BRINP1: variants seen among roughly 807,000 people sequenced by gnomAD.
The protein encoded by BRINP1 is BMP/retinoic acid-inducible neural-specific protein 1.
BRINP1 carries 17 observed loss-of-function variants against 72.9 expected under a neutral mutation model. The ratio of observed to expected loss-of-function variants is 0.23; its 90% CI spans 0.16 to 0.35. The LOEUF (loss-of-function observed/expected upper bound fraction) is 0.35. Ranked by LOEUF, BRINP1 falls within the 10% of genes least tolerant of loss-of-function variation. BRINP1 has a pLI of 1.00. For missense variants in BRINP1, 850 were observed against 1,001.6 expected, an observed-to-expected ratio of 0.85 and a Z score of 2.04; for synonymous variants, 418 against 378.5, an observed-to-expected ratio of 1.10 and a Z score of -1.21.
chr9:119,176,742 G>A (rs183643545), intron 7 of BRINP1, among the ~76,000 whole-genome samples: 1 of 152,244 alleles, frequency 6.6e-6, no homozygotes, highest in African/African-American at 2.4e-5. Context: ...TCCTTTGAAG[G>A]TATTGAGACA....
At chr9:119,347,645 C>T (rs1388188732) in intron 1 of BRINP1, among the ~76,000 whole-genome samples, 3 of 151,994 alleles carry the variant, frequency 2.0e-5, no homozygotes, top group South Asian at 2.1e-4. Context: ...ACTGTCCACC[C>T]GCTTCCCAAC....
Position 119,167,929 on chromosome 9 carries a change from G to A in BRINP1, c.1441C>T (p.Leu481=), listed in dbSNP as rs367572476. The change falls in exon 8 of 8, where the codon CTG becomes TTG. Residue 481 remains leucine, a synonymous_variant. Coordinates refer to ENST00000265922, the MANE Select transcript of BRINP1 (RefSeq NM_014618.3). This position sits in a 1 kb window ranked among gnomAD's most constrained non-coding sequence, Gnocchi z 4.3. ...TTCAGCTCCAGGTCCTGGAAGTCCA[G>A]GTCAGTCTCAAAGCTGATGAACTGC... ...SEQFISFETD[L]DFQDLELKYL... is the part of the protein sequence containing the mutation. 1 of 1,614,214 alleles carries A rather than the reference G, an allele frequency of 6.2e-7. No individual in the cohort carries two copies. Among genetic ancestry groups the A allele is most frequent in the East Asian group, 2.2e-5 (1 of 44,864 alleles).
In BRINP1 at chr9:119,166,899, A is replaced by T; in HGVS notation, c.*185T>A. ...CAGAGTGAGTATAGAAATAACAAACATGCCCAACGCTTTTATACAGTTGCT... is the reference window on the plus strand; with the variant it reads ...CAGAGTGAGTATAGAAATAACAAACTTGCCCAACGCTTTTATACAGTTGCT... On this transcript the variant is annotated 3_prime_UTR_variant, in exon 8 of 8. Transcript: ENST00000265922. The T allele has an allele frequency of 3.1e-6, 2 of 640,214 alleles. No individual in the cohort carries two copies. Among genetic ancestry groups the T allele is most frequent in the East Asian group, 5.8e-5 (2 of 34,284 alleles). The allele number at this position is 640,214 out of a possible 1,614,324, so 39.7% of individuals were successfully genotyped here.
chr9:119,170,810 G>T (rs1161823421), intron 7 of BRINP1, among the ~76,000 whole-genome samples: 4 of 142,648 alleles, frequency 2.8e-5, no homozygotes, highest in Non-Finnish European at 6.0e-5. Context: ...AGCCAGAAGA[G>T]AGTGGGGGCC....
rs1486506107 is a variant in BRINP1 at position 119,208,707 on chromosome 9, G to A, written c.1145+12C>T. 1.2e-6 allele frequency: 2 copies of A among 1,611,268 alleles called. No homozygotes were observed. Among genetic ancestry groups the A allele is most frequent in the Non-Finnish European group, 8.5e-7 (1 of 1,178,976 alleles). ...AGGTGCCTGCAGAGGTGGAGGTGGT[G>A]GCAACACTTACCTCTCTCTAGGCAG... On this transcript the variant is annotated intron_variant, in intron 7 of 7. Transcript: ENST00000265922.
rs937126090 is a variant in BRINP1, at chr9:119,322,657, T to C, written c.-50-9252A>G. ...CTGAGAAACTGGGCTGATGATCGCA[T>C]CTGGGAAGTTAACCCACAATACTTG... is the stretch of plus-strand genomic sequence containing the variant. On this transcript the variant is annotated intron_variant, in intron 1 of 7. Coordinates refer to ENST00000265922, the MANE Select transcript of BRINP1 (RefSeq NM_014618.3). Among the ~76,000 whole-genome samples the C allele has an allele frequency of 5.9e-5, 9 of 152,256 alleles. 1 individual carries two copies. The highest frequency in any genetic ancestry group is 1.9e-4 in the African/African-American group (8 of 41,558).
rs1486657556 is a variant in BRINP1 at position 119,368,742 on chromosome 9, T to C, written c.-51+314A>G. On this transcript the variant is annotated intron_variant, in intron 1 of 7. Transcript: ENST00000265922. The surrounding 1 kb of genome is among the most constrained non-coding windows in gnomAD (Gnocchi z 4.7). The stretch of plus-strand genomic sequence containing the variant: ...CACACACACACCACGAACACACGCA[T>C]CAAACGCAAACGACGCCGCACACGC... 6.6e-6 allele frequency among the ~76,000 whole-genome samples: 1 copy of C among 151,786 alleles called. No individual in the cohort carries two copies. The highest frequency in any genetic ancestry group is 1.5e-5 in the Non-Finnish European group (1 of 67,952).
chr9:119,184,117 G>GA (rs940196905), intron 7 of BRINP1, among the ~76,000 whole-genome samples: 35 of 152,154 alleles, frequency 2.3e-4, no homozygotes, highest in African/African-American at 8.4e-4. Flanking sequence ...AAAAACAACA[G>GA]AAAGGAACTG....
chr9:119,323,907 T>C (rs973975516), intron 1 of BRINP1, among the ~76,000 whole-genome samples: 1 of 152,184 alleles, frequency 6.6e-6, no homozygotes, highest in Non-Finnish European at 1.5e-5. Context: ...ACTAGACAGA[T>C]TGATTACTGA....
chr9:119,169,532 C>T (rs917709793), intron 7 of BRINP1, among the ~76,000 whole-genome samples: 12 of 152,206 alleles, frequency 7.9e-5, no homozygotes, highest in African/African-American at 2.9e-4. Context: ...GATCAAACTG[C>T]AAGGCGGCAG....
At chr9:119,272,379 G>T (rs146518874) in intron 2 of BRINP1, among the ~76,000 whole-genome samples, 1 of 152,098 alleles carries the variant, frequency 6.6e-6, no homozygotes, top group South Asian at 2.1e-4. Context: ...CACTGCGCCC[G>T]GCAGGAAATT....
chr9:119,288,912 T>A (rs1447675340), intron 2 of BRINP1, among the ~76,000 whole-genome samples: 1 of 152,206 alleles, frequency 6.6e-6, no homozygotes, highest in African/African-American at 2.4e-5. Flanking sequence ...TCTATTCTCC[T>A]GCCTCAGCCT....
intron 1 of BRINP1, among the ~76,000 whole-genome samples, chr9:119,340,762 C>T (rs940831652): frequency 6.6e-6 from 1 of 152,162 alleles, no homozygotes; most frequent in Non-Finnish European, 1.5e-5. Context: ...GATTCATGTT[C>T]ATTCCTCCTA....
intron 1 of BRINP1, among the ~76,000 whole-genome samples, chr9:119,316,403 A>G (rs1831125318): frequency 6.6e-6 from 1 of 152,166 alleles, no homozygotes; most frequent in Non-Finnish European, 1.5e-5. Context: ...CCTATTTTCA[A>G]TGTATACAAA....
At chr9:119,272,985 C>G (rs936021557) in intron 2 of BRINP1, among the ~76,000 whole-genome samples, 4 of 152,190 alleles carry the variant, frequency 2.6e-5, no homozygotes, top group Non-Finnish European at 5.9e-5. Context: ...AGCCCCATTC[C>G]TGGTCCCCTC....
rs371366929 is a variant in BRINP1, at chr9:119,297,689, G to A, written c.218+15449C>T. ...ATGAACCCTAACAGGATTCTATTTT[G>A]GACTTTCTCCCATTATCCTGCTCAT... On this transcript the variant is annotated intron_variant, in intron 2 of 7. Coordinates refer to ENST00000265922, the MANE Select transcript of BRINP1 (RefSeq NM_014618.3). Among the ~76,000 whole-genome samples, 154 of 152,072 alleles carry A rather than the reference G, an allele frequency of 1.0e-3. 2 individuals carry two copies. The highest frequency in any genetic ancestry group is 3.6e-3 in the African/African-American group (149 of 41,470).
chr9:119,266,856 G>A (rs1830553330), intron 2 of BRINP1, among the ~76,000 whole-genome samples: 1 of 152,198 alleles, frequency 6.6e-6, no homozygotes, highest in African/African-American at 2.4e-5. Context: ...CTGAATAGGA[G>A]GACTTCAGAT....
At chr9:119,317,245 T>C (rs1831134368) in intron 1 of BRINP1, among the ~76,000 whole-genome samples, 1 of 152,116 alleles carries the variant, frequency 6.6e-6, no homozygotes, top group Admixed American at 6.5e-5. Flanking sequence ...TTGTGATTCA[T>C]GGGAAGAAGT....
At chr9:119,242,949 A>T (rs970305079) in intron 3 of BRINP1, among the ~76,000 whole-genome samples, 3 of 151,418 alleles carry the variant, frequency 2.0e-5, no homozygotes, top group Admixed American at 6.6e-5. Flanking sequence ...TTCTCTATCA[A>T]CTATGTGAAC....
Sources: gnomAD v4.1 joint callset for allele counts (sites outside exome capture counted in the v4.1 genomes callset) on GRCh38, gnomAD v4.1.1 for gene constraint, Gnocchi (gnomAD v3.1) non-coding constraint, MANE v1.5 for transcripts, NCBI Gene and HGNC (gene_info 2026-07-23, HGNC 2026-07-21) for gene names.